The following FSD2 variants were observed in gnomAD, a reference collection of about 807,000 sequenced individuals.
FSD2 encodes fibronectin type III and SPRY domain containing 2.
FSD2 carries 71 observed loss-of-function variants against 80.4 expected under a neutral mutation model. The ratio of observed to expected loss-of-function variants is 0.88; its 90% confidence interval spans 0.73 to 1.08. The LOEUF (loss-of-function observed/expected upper bound fraction) is 1.08, where lower values mean the gene tolerates loss of function less well. FSD2 is among the 50% of genes least tolerant of loss of function. The pLI is 0.00. For missense variants in FSD2, 923 were observed against 913.8 expected (o/e 1.01, Z -0.13); for synonymous variants, 361 against 329.5 (o/e 1.10, Z -1.03).
intron 4 of FSD2, among the ~76,000 whole-genome samples, chr15:82,782,425 A>AC (rs1555478845): frequency 6.6e-6 from 1 of 152,280 alleles, no homozygotes; most frequent in South Asian, 2.1e-4. Flanking sequence ...AAACAAAACA[A>AC]AACAACAACA....
At chr15:82,790,559 TGTGTGTGTTCGTGC>T (rs903924585) in intron 1 of FSD2, among the ~76,000 whole-genome samples, 12 of 151,622 alleles carry the variant, frequency 7.9e-5, no homozygotes, top group Middle Eastern at 3.4e-3. Context: ...TGTGTGTGTG[TGTGTGTGTTCGTGC>T]GTGTGTGTGT....
At chr15:82,766,599 G>A (rs1442980905) in intron 9 of FSD2, among the ~76,000 whole-genome samples, 2 of 151,948 alleles carry the variant, frequency 1.3e-5, no homozygotes, top group African/African-American at 2.4e-5. Flanking sequence ...AAAATTAACC[G>A]AGTGTGGTGG....
intron 1 of FSD2, among the ~76,000 whole-genome samples, chr15:82,797,620 C>G (rs1293105835): frequency 6.6e-6 from 1 of 152,084 alleles, no homozygotes; most frequent in Non-Finnish European, 1.5e-5. Flanking sequence ...ACCGTCCTGG[C>G]TAACACGGTG....
At chr15:82,778,680 ATC>A in intron 6 of FSD2, 84 bp downstream of exon 6, 1 of 1,417,950 alleles carries the variant, frequency 7.1e-7, no homozygotes, top group Non-Finnish European at 9.5e-7. Flanking sequence ...AAGAGGATAG[ATC>A]TCATGCTAAG....
At chr15:82,781,065 A>T (rs532770037) in intron 4 of FSD2, among the ~76,000 whole-genome samples, 9 of 152,262 alleles carry the variant, frequency 5.9e-5, no homozygotes, top group African/African-American at 2.2e-4. Context: ...AAAAACCCAC[A>T]CTATGTAAGC....
chr15:82,801,308 A>C (rs562867290), intron 1 of FSD2, among the ~76,000 whole-genome samples: 8 of 152,124 alleles, frequency 5.3e-5, no homozygotes, highest in Admixed American at 2.0e-4. Flanking sequence ...CGTACCAACT[A>C]TCACTCCCCC....
chr15:82,802,040 G>T (rs2050425212), intron 1 of FSD2, among the ~76,000 whole-genome samples: 1 of 152,158 alleles, frequency 6.6e-6, no homozygotes. Flanking sequence ...GAAGACTCCA[G>T]AATTGAGTTT....
chr15:82,789,278 C>T (rs1333663007), intron 1 of FSD2, among the ~76,000 whole-genome samples: 1 of 151,280 alleles, frequency 6.6e-6, no homozygotes, highest in Non-Finnish European at 1.5e-5. Flanking sequence ...TGATGTTAAG[C>T]AAAATAAACA....
At chr15:82,795,552 A>G (rs2050244364) in intron 1 of FSD2, among the ~76,000 whole-genome samples, 1 of 152,180 alleles carries the variant, frequency 6.6e-6, no homozygotes, top group South Asian at 2.1e-4. Context: ...GTATTAGGCC[A>G]GGTACAGTGG....
At chr15:82,771,734 A>C (rs2049578661) in intron 7 of FSD2, among the ~76,000 whole-genome samples, 1 of 152,226 alleles carries the variant, frequency 6.6e-6, no homozygotes, top group African/African-American at 2.4e-5. Flanking sequence ...ATGCCAGGAC[A>C]AGCTAGAACC....
chr15:82,794,229 T>C (rs2050211115), intron 1 of FSD2, among the ~76,000 whole-genome samples: 1 of 152,202 alleles, frequency 6.6e-6, no homozygotes, highest in African/African-American at 2.4e-5. Flanking sequence ...TCATTTCTTC[T>C]TTGACCCATT....
Position 82,757,397 on chromosome 15 carries a change from T to C in FSD2, c.*1951A>G, listed in dbSNP as rs2049198047. The C allele has an allele frequency of 7.0e-6, 1 of 142,002 alleles. No individual in the cohort carries two copies. The highest frequency in any genetic ancestry group is 1.5e-5 in the Non-Finnish European group (1 of 66,384). 8.8% of individuals were successfully genotyped at this position (142,002 alleles called of 1,614,324 possible). ...AGATGGAGTCTTGATCTGTGAGCCA[T>C]CTCGGCTCACTGCAAGCTCCACCTC... On this transcript the variant is annotated 3_prime_UTR_variant, in exon 13 of 13. Transcript: ENST00000334574.
intron 1 of FSD2, among the ~76,000 whole-genome samples, chr15:82,792,639 A>AT (rs934536306): frequency 6.1e-4 from 92 of 151,896 alleles, no homozygotes; most frequent in African/African-American, 2.1e-3. Context: ...TAGTTTATCT[A>AT]TTTTTTTTGT....
chr15:82,788,648 C>G (rs1031334248), intron 1 of FSD2, among the ~76,000 whole-genome samples: 3 of 152,022 alleles, frequency 2.0e-5, no homozygotes, highest in Admixed American at 2.0e-4. Context: ...CATATGCTGC[C>G]GGCTAGAATG....
At position 82,778,156 on chromosome 15, in the gene FSD2, AT is replaced by A. The variant is rs1215460180; in HGVS notation, c.1111+609del. Among the ~76,000 whole-genome samples, 41 of 140,072 alleles carry A rather than the reference AT, an allele frequency of 2.9e-4. No individual in the cohort carries two copies. The East Asian group carries it at 7.1e-3, about 24-fold the overall frequency. The allele number at this position is 140,072 out of a possible 152,430, so 91.9% of individuals were successfully genotyped here. ...TATATATATATATATATATATATAT[AT>A]AATAACTATTACATGATCTAGTAAT... On this transcript the variant is annotated intron_variant, in intron 6 of 12. Transcript: ENST00000334574.
At chr15:82,798,509 A>G (rs185519293) in intron 1 of FSD2, among the ~76,000 whole-genome samples, 131 of 152,346 alleles carry the variant, frequency 8.6e-4, no homozygotes, top group African/African-American at 3.0e-3. Flanking sequence ...TTTTTTTAAA[A>G]AAACTAATAT....
At chr15:82,800,156 A>G (rs947163084) in intron 1 of FSD2, among the ~76,000 whole-genome samples, 1 of 152,126 alleles carries the variant, frequency 6.6e-6, no homozygotes, top group African/African-American at 2.4e-5. Flanking sequence ...GTCAGAGATG[A>G]CACCTTGCCC....
intron 6 of FSD2, among the ~76,000 whole-genome samples, chr15:82,778,128 A>ATG: frequency 1.4e-4 from 1 of 7,358 alleles, no homozygotes; most frequent in African/African-American, 4.8e-4. Context: ...CAAAAAAACC[A>ATG]TATATATATA....
At chr15:82,797,885 A>G (rs2050315703) in intron 1 of FSD2, among the ~76,000 whole-genome samples, 1 of 152,204 alleles carries the variant, frequency 6.6e-6, no homozygotes, top group Non-Finnish European at 1.5e-5. Context: ...CATGTGATTA[A>G]AAGTTGTATT....
Sources: gnomAD v4.1 joint callset for allele counts (sites outside exome capture counted in the v4.1 genomes callset) on GRCh38, gnomAD v4.1.1 for gene constraint, MANE v1.5 for transcripts, NCBI Gene and HGNC (gene_info 2026-07-23, HGNC 2026-07-21) for gene names.